The following PRKCH variants were observed in gnomAD, a reference collection of about 807,000 sequenced individuals.
PRKCH encodes the protein protein kinase C eta.
In PRKCH, 28 loss-of-function variants were observed where a neutral mutation model predicts 82.5. That is an observed-to-expected ratio of 0.34 (90% CI 0.25 to 0.47). The LOEUF (loss-of-function observed/expected upper bound fraction) is 0.47. Ranked by LOEUF, PRKCH falls within the 20% of genes least tolerant of loss-of-function variation. The pLI, the probability that PRKCH is intolerant of heterozygous loss-of-function variation, is 1.00. For missense variants in PRKCH, 705 were observed against 881.8 expected (o/e 0.80, Z 2.54); for synonymous variants, 322 against 327.4 (o/e 0.98, Z 0.18).
intron 1 of PRKCH, among the ~76,000 whole-genome samples, chr14:61,263,861 G>A (rs1056024156): frequency 3.9e-4 from 12 of 30,878 alleles, no homozygotes; most frequent in Admixed American, 1.5e-3. Context: ...GTGTGTGTGT[G>A]TGTGTGTGTG....
chr14:61,470,102 G>T (rs1885431300), intron 9 of PRKCH, among the ~76,000 whole-genome samples: 2 of 151,048 alleles, frequency 1.3e-5, no homozygotes, highest in Non-Finnish European at 2.9e-5. Flanking sequence ...TGAAGAGTCT[G>T]GGGGGCTTGT....
At chr14:61,526,768 C>G (rs1300836859) in intron 10 of PRKCH, among the ~76,000 whole-genome samples, 3 of 152,274 alleles carry the variant, frequency 2.0e-5, no homozygotes, top group African/African-American at 7.2e-5. Flanking sequence ...GCTGCAGCCA[C>G]TGAGGAGACG....
intron 1 of PRKCH, among the ~76,000 whole-genome samples, chr14:61,284,564 A>G (rs1400699010): frequency 1.3e-5 from 2 of 152,182 alleles, no homozygotes; most frequent in Non-Finnish European, 2.9e-5. Flanking sequence ...AAGTTCCGAG[A>G]GGTGGAAGAC....
chr14:61,441,827 T>G (rs1337412813), intron 2 of PRKCH, among the ~76,000 whole-genome samples: 1 of 151,834 alleles, frequency 6.6e-6, no homozygotes, highest in Non-Finnish European at 1.5e-5. Context: ...TTAAAAAAAT[T>G]TTTTTAAGAG....
At chr14:61,538,604 G>A (rs1378880921) in intron 12 of PRKCH, among the ~76,000 whole-genome samples, 1 of 152,134 alleles carries the variant, frequency 6.6e-6, no homozygotes, top group Non-Finnish European at 1.5e-5. Flanking sequence ...CTCCATCCCT[G>A]CCAGGAAGAT....
chr14:61,310,032 G>GCC (rs138371386), intron 1 of PRKCH, among the ~76,000 whole-genome samples: 1 of 151,914 alleles, frequency 6.6e-6, no homozygotes, highest in East Asian at 1.9e-4. Context: ...GGAGGGAACC[G>GCC]CCCCCCCTCC....
chr14:61,246,450 C>T (rs181376673), intron 1 of PRKCH, among the ~76,000 whole-genome samples: 83 of 151,896 alleles, frequency 5.5e-4, no homozygotes, highest in African/African-American at 1.9e-3. Flanking sequence ...TTTGTTTAAT[C>T]ATCATGAATC....
intron 1 of PRKCH, among the ~76,000 whole-genome samples, chr14:61,195,434 G>A (rs983363942): frequency 1.3e-5 from 2 of 152,190 alleles, no homozygotes; most frequent in Non-Finnish European, 2.9e-5. Context: ...GTTAGGTTTT[G>A]AAGGCCTACT....
At position 61,549,669 on chromosome 14, in the gene PRKCH, C is replaced by T. The variant is rs2043302026; in HGVS notation, c.1906-16C>T. 1.5e-6 allele frequency: 2 copies of T among 1,360,480 alleles called. No homozygotes were observed. The highest frequency in any genetic ancestry group is 3.9e-5 in the Admixed American group (2 of 51,666). The allele number at this position is 1,360,480 out of a possible 1,614,324, so 84.3% of individuals were successfully genotyped here. ...GCGCAAAAATCTCACCCTTGTTTCC[C>T]TTTTTTTTTTGGCAGAAATCCCGAG... On this transcript the variant is annotated splice_polypyrimidine_tract_variant and intron_variant, in intron 13 of 13. Coordinates refer to ENST00000332981, the MANE Select transcript of PRKCH (RefSeq NM_006255.5).
At chr14:61,512,220 C>T (rs1887408248) in intron 10 of PRKCH, among the ~76,000 whole-genome samples, 1 of 149,588 alleles carries the variant, frequency 6.7e-6, no homozygotes, top group Admixed American at 6.6e-5. Flanking sequence ...TATACTACAT[C>T]CTGAAACTGG....
intron 12 of PRKCH, among the ~76,000 whole-genome samples, chr14:61,534,541 A>G (rs1249873152): frequency 6.6e-6 from 1 of 152,236 alleles, no homozygotes; most frequent in African/African-American, 2.4e-5. Flanking sequence ...GGTGTTTTGC[A>G]TAGTTCTAAA....
intron 2 of PRKCH, among the ~76,000 whole-genome samples, chr14:61,415,218 A>G (rs922079903): frequency 1.9e-4 from 29 of 152,202 alleles, no homozygotes; most frequent in African/African-American, 6.8e-4. Flanking sequence ...ACTTAAAAGC[A>G]ATTTGAAGTG....
In PRKCH at chr14:61,465,273, G is replaced by A. The variant is rs771013529; in HGVS notation, c.1278+7594G>A. 9.3e-4 allele frequency among the ~76,000 whole-genome samples: 141 copies of A among 152,218 alleles called. 1 individual carries two copies. Among genetic ancestry groups the A allele is most frequent in the Non-Finnish European group, 1.5e-3 (101 of 68,012 alleles). ...TTGCTTTTGTTGCCTGTGCTTTTACGGTCATATTTTAAAAAGCCATTGCCT... is the reference window on the plus strand; with the variant it reads ...TTGCTTTTGTTGCCTGTGCTTTTACAGTCATATTTTAAAAAGCCATTGCCT... On this transcript the variant is annotated intron_variant, in intron 9 of 13. Transcript: ENST00000332981.
intron 1 of PRKCH, among the ~76,000 whole-genome samples, chr14:61,373,958 C>T (rs372321732): frequency 6.6e-6 from 1 of 152,104 alleles, no homozygotes; most frequent in East Asian, 1.9e-4. Context: ...TCCAAAGTCT[C>T]ATCTGAGACA....
At chr14:61,221,934 C>T (rs1357701581) in intron 1 of PRKCH, among the ~76,000 whole-genome samples, 1 of 152,148 alleles carries the variant, frequency 6.6e-6, no homozygotes, top group Non-Finnish European at 1.5e-5. Context: ...TATTTATAAT[C>T]CAAACGGTCC....
At chr14:61,277,109 C>T (rs932957288) in intron 1 of PRKCH, among the ~76,000 whole-genome samples, 1 of 152,028 alleles carries the variant, frequency 6.6e-6, no homozygotes, top group African/African-American at 2.4e-5. Flanking sequence ...TCTCTTGAAC[C>T]CAGGAAGCGG....
intron 1 of PRKCH, among the ~76,000 whole-genome samples, chr14:61,294,717 T>C (rs2045392157): frequency 6.6e-6 from 1 of 152,056 alleles, no homozygotes; most frequent in African/African-American, 2.4e-5. Context: ...ATATTATGCG[T>C]TTTTTATTCA....
intron 1 of PRKCH, among the ~76,000 whole-genome samples, chr14:61,324,685 G>T (rs1196107940): frequency 6.6e-6 from 1 of 152,128 alleles, no homozygotes; most frequent in Non-Finnish European, 1.5e-5. Context: ...TCTTGAACTT[G>T]TGGCCTCAAG....
intron 1 of PRKCH, among the ~76,000 whole-genome samples, chr14:61,231,170 T>A (rs60290304): frequency 0.2 from 30,909 of 152,156 alleles, 4,553 homozygotes; most frequent in African/African-American, 0.39. Flanking sequence ...TGGGCAAGTG[T>A]CAACTTCTCT....
Sources: gnomAD v4.1 joint callset for allele counts (sites outside exome capture counted in the v4.1 genomes callset) on GRCh38, gnomAD v4.1.1 for gene constraint, MANE v1.5 for transcripts, NCBI Gene and HGNC (gene_info 2026-07-23, HGNC 2026-07-21) for gene names.